The following SLC5A5 variants were observed in gnomAD, a reference collection of about 807,000 sequenced individuals.
SLC5A5 encodes sodium/iodide cotransporter.
SLC5A5 carries 56 observed loss-of-function variants against 68.6 expected under a neutral mutation model. That is an observed-to-expected ratio of 0.82 (90% CI 0.66 to 1.02). The LOEUF is 1.02. Among genes scored for constraint, SLC5A5 ranks in the 50% least tolerant of loss-of-function variants. The pLI is 0.00. For missense variants in SLC5A5, 807 were observed against 859.8 expected, an observed-to-expected ratio of 0.94 and a Z score of 0.77; for synonymous variants, 398 against 373.0, an observed-to-expected ratio of 1.07 and a Z score of -0.77.
In SLC5A5 at chr19:17,884,184, G is replaced by T. The variant is rs1343621618; in HGVS notation, c.1526+138G>T. The T allele has an allele frequency of 1.8e-5, 14 of 775,980 alleles. No homozygotes were observed. The East Asian group carries it at 3.8e-4, about 21-fold the overall frequency. 48.1% of individuals were successfully genotyped at this position (775,980 alleles called of 1,614,324 possible). On this transcript the variant is annotated intron_variant, in intron 12 of 14. Coordinates refer to ENST00000222248, the MANE Select transcript of SLC5A5 (RefSeq NM_000453.3). ...TGGGGGAGGGAACGGTAGGTGCAAA[G>T]GCCCTGAGGCCACAATCGGGTTAGT... is the stretch of plus-strand genomic sequence containing the variant.
At chr19:17,884,755 A>G (rs1190935583) in intron 12 of SLC5A5, among the ~76,000 whole-genome samples, 1 of 151,848 alleles carries the variant, frequency 6.6e-6, no homozygotes, top group East Asian at 1.9e-4. Flanking sequence ...CCTGGGCAAC[A>G]AAAATGAAAC....
Position 17,890,959 on chromosome 19 carries a change from C to T in SLC5A5, c.1725C>T (p.Ala575=), listed in dbSNP as rs772716852. 22 of 1,613,834 alleles carry T rather than the reference C, an allele frequency of 1.4e-5. No homozygotes were observed. In the African/African-American group the frequency reaches 2.4e-4, roughly 18 times the overall value. Residue 575 remains alanine (A), a synonymous_variant, in exon 14 of 15, where the codon GCC becomes GCT. Transcript: ENST00000222248. ...WDLARQTASV[A]PKEEVAILDD... ...TCGCACGGCAGACAGCATCAGTGGC[C>T]CCCAAGGAAGAAGTGGCCATCCTGG...
intron 13 of SLC5A5, 39 bp downstream of exon 13, chr19:17,888,494 T>C: frequency 6.2e-7 from 1 of 1,610,984 alleles, no homozygotes; most frequent in East Asian, 2.2e-5. Flanking sequence ...GGTCATCCCA[T>C]TCATCTCTCT....
At chr19:17,877,918 C>G (rs780090402) in intron 6 of SLC5A5, 46 bp from the exon 7 acceptor site, 3 of 1,613,956 alleles carry the variant, frequency 1.9e-6, no homozygotes, top group East Asian at 4.5e-5. Context: ...CCCCCCTCCA[C>G]CAGCCTGAGG....
chr19:17,872,218 T>TGCCCCCCCCCCCCCCCCCCCC lies in SLC5A5; in HGVS notation c.-102_-101insGCCCCCCCCCCCCCCCCCCCC. 4 of 456,252 alleles carry TGCCCCCCCCCCCCCCCCCCCC rather than the reference T, an allele frequency of 8.8e-6. 1 individual carries two copies. Among genetic ancestry groups the TGCCCCCCCCCCCCCCCCCCCC allele is most frequent in the African/African-American group, 2.0e-5 (1 of 49,216 alleles). The allele number at this position is 456,252 out of a possible 1,614,324, so 28.3% of individuals were successfully genotyped here. Reference sequence around the variant, plus strand: ...AGCGGGGACAGGCTGCCGAGCATCCTCCCACCCGCCCTCCCCGTCCTGCCT... The same window carrying TGCCCCCCCCCCCCCCCCCCCC: ...AGCGGGGACAGGCTGCCGAGCATCCTGCCCCCCCCCCCCCCCCCCCCCCCACCCGCCCTCCCCGTCCTGCCT... On this transcript the variant is annotated 5_prime_UTR_variant, in exon 1 of 15. Transcript: ENST00000222248.
intron 8 of SLC5A5, 27 bp from the exon 9 acceptor site, chr19:17,881,933 G>A (rs777430035): frequency 1.7e-5 from 26 of 1,566,730 alleles, no homozygotes; most frequent in Non-Finnish European, 2.1e-5. Context: ...TATGGCCTGA[G>A]GACCCCCCGC....
Position 17,884,003 on chromosome 19 carries a change from G to T in SLC5A5, c.1483G>T (p.Asp495Tyr). Residue 495 changes from aspartate (D) to tyrosine (Y), a missense_variant, in exon 12 of 15, where the codon GAC becomes TAC. Physicochemically the swap from Asp to Tyr is radical, Grantham distance 160. Transcript: ENST00000222248. ...ALSVNASGLL[D>Y]PALLPANDSS... is the part of the protein sequence containing the mutation. Reference sequence around the variant, plus strand: ...CTCAGTCAACGCCTCTGGCCTCCTGGACCCGGCTCTCCTCCCTGCTAACGA... The same window carrying T: ...CTCAGTCAACGCCTCTGGCCTCCTGTACCCGGCTCTCCTCCCTGCTAACGA... 2 of 1,572,812 alleles carry T rather than the reference G, an allele frequency of 1.3e-6. No homozygotes were observed.
At chr19:17,883,622 T>C (rs2094326038) in intron 10 of SLC5A5, 59 bp from the exon 11 acceptor site, 4 of 1,390,092 alleles carry the variant, frequency 2.9e-6, no homozygotes, top group East Asian at 2.3e-5. Flanking sequence ...GCGGGTAAAC[T>C]GAGGCCCAGA....
At position 17,880,951 on chromosome 19, in the gene SLC5A5, C is replaced by T. The variant is rs139977329; in HGVS notation, c.1056C>T (p.Leu352=). 111 of 1,611,044 alleles carry T rather than the reference C, an allele frequency of 6.9e-5. No individual in the cohort carries two copies. The African/African-American group carries it at 1.1e-3, about 16-fold the overall frequency. ...LFLACAYSGT[L]STASTSINAM... ...TGGCCTGTGCTTACAGTGGCACCCT[C>T]AGGTGAGCACCCCTGCTTGTTCATG... The change falls in exon 8 of 15, where the codon CTC becomes CTT. Residue 352 remains leucine (L), a splice_region_variant and synonymous_variant. Coordinates refer to ENST00000222248, the MANE Select transcript of SLC5A5 (RefSeq NM_000453.3).
In SLC5A5 at chr19:17,877,965, G is replaced by T. The variant is rs776119591; in HGVS notation, c.841G>T (p.Ala281Ser). ...ACRTEKQAKL[A>S]LLINQVGLFL... The stretch of plus-strand genomic sequence containing the variant: ...GCCTGAGGCTGCCTCTTCCCCCAGG[G>T]CCCTGCTCATCAACCAGGTCGGCCT... Residue 281 changes from alanine to serine, a missense_variant and splice_region_variant, in exon 7 of 15, where the codon GCC becomes TCC. By Grantham distance (99) the Ala-to-Ser change is moderately conservative (BLOSUM62 1). Transcript: ENST00000222248. 1.2e-6 allele frequency: 2 copies of T among 1,613,502 alleles called. No homozygotes were observed. The highest frequency in any genetic ancestry group is 2.2e-5 in the East Asian group (1 of 44,878).
intron 12 of SLC5A5, among the ~76,000 whole-genome samples, chr19:17,886,687 A>G (rs571223887): frequency 3.9e-5 from 6 of 152,280 alleles, no homozygotes; most frequent in Admixed American, 1.3e-4. Context: ...GCAACATATG[A>G]GGATTCTAAC....
In SLC5A5 at chr19:17,877,706, G is replaced by T. The variant is rs762792932; in HGVS notation, c.699-17G>T. On this transcript the variant is annotated splice_polypyrimidine_tract_variant and intron_variant, in intron 5 of 14. Transcript: ENST00000222248. ...CGTGACATCTCCACGTGGCTAACTT[G>T]CCCTGTCCCCACCCAGCTTTAACCC... 8.7e-6 allele frequency: 14 copies of T among 1,613,824 alleles called. No homozygotes were observed. The highest frequency in any genetic ancestry group is 1.2e-5 in the Non-Finnish European group (14 of 1,179,976).
chr19:17,894,103 T>G lies in SLC5A5; in HGVS notation c.*226T>G. The G allele has an allele frequency of 5.8e-6, 3 of 518,528 alleles. No individual in the cohort carries two copies. Among genetic ancestry groups the G allele is most frequent in the Non-Finnish European group, 3.4e-6 (1 of 291,220 alleles). The allele number at this position is 518,528 out of a possible 1,614,324, so 32.1% of individuals were successfully genotyped here. ...TCCCCAGTATTAGACGCTGCAGCCC[T>G]GACGGCTCCCCCCAAATAAGGCTGG... On this transcript the variant is annotated 3_prime_UTR_variant, in exon 15 of 15. Transcript: ENST00000222248.
Position 17,885,364 on chromosome 19 carries a change from G to T in SLC5A5, c.1526+1318G>T. Among the ~76,000 whole-genome samples, 3 of 149,580 alleles carry T rather than the reference G, an allele frequency of 2.0e-5. No individual in the cohort carries two copies. The South Asian group carries it at 6.3e-4, about 31-fold the overall frequency. On this transcript the variant is annotated intron_variant, in intron 12 of 14. Coordinates refer to ENST00000222248, the MANE Select transcript of SLC5A5 (RefSeq NM_000453.3). The stretch of plus-strand genomic sequence containing the variant: ...ATTTATTTATTTTGGTTTTTTGGGT[G>T]GGTTTTTTTGCTTTTTGTTTATTTG...
chr19:17,874,373 C>A, intron 2 of SLC5A5, 121 bp from the exon 3 acceptor site: 2 of 1,106,042 alleles, frequency 1.8e-6, no homozygotes, highest in Non-Finnish European at 1.4e-6. Flanking sequence ...CCCGCCTGCA[C>A]TCTGGAAGAC....
In SLC5A5 at chr19:17,894,006, C is replaced by T. The variant is rs974053532; in HGVS notation, c.*129C>T. 5.5e-6 allele frequency: 5 copies of T among 913,736 alleles called. No individual in the cohort carries two copies. The highest frequency in any genetic ancestry group is 4.9e-5 in the African/African-American group (3 of 60,846). The allele number at this position is 913,736 out of a possible 1,614,324, so 56.6% of individuals were successfully genotyped here. A position where few individuals can be genotyped will look rare whatever the true frequency, so the allele number is the denominator to read the frequency against. On this transcript the variant is annotated 3_prime_UTR_variant, in exon 15 of 15. Transcript: ENST00000222248. ...TTGTATGCAAATGAGTTCAGGACTA[C>T]AATACCCTACCCTATGGGGAGGCCC...
chr19:17,883,745 T>G lies in SLC5A5; in HGVS notation c.1307T>G (p.Phe436Cys), dbSNP rs746913485. Residue 436 changes from phenylalanine to cysteine, a missense_variant, in exon 11 of 15, where the codon TTC becomes TGC. Transcript: ENST00000222248. ...CTGGGAGCCTTCATCTTGGGAATGT[T>G]CCTGCCGGCCTGCAACACACCGGTG... is the stretch of plus-strand genomic sequence containing the variant. ...PLLGAFILGM[F>C]LPACNTPGVL... The G allele has an allele frequency of 7.1e-5, 107 of 1,506,094 alleles. 1 individual carries two copies. The highest frequency in any genetic ancestry group is 1.8e-4 in the Admixed American group (10 of 55,318). 93.3% of individuals were successfully genotyped at this position (1,506,094 alleles called of 1,614,324 possible). A position where few individuals can be genotyped will look rare whatever the true frequency, so the allele number is the denominator to read the frequency against.
chr19:17,882,639 A>G (rs2094323420), intron 10 of SLC5A5, among the ~76,000 whole-genome samples: 1 of 149,092 alleles, frequency 6.7e-6, no homozygotes, highest in Admixed American at 6.7e-5. Flanking sequence ...CAGCCTCCAG[A>G]GTAGCTGGGA....
chr19:17,886,362 C>A (rs545500893), intron 12 of SLC5A5, among the ~76,000 whole-genome samples: 2 of 148,524 alleles, frequency 1.3e-5, no homozygotes, highest in Non-Finnish European at 3.0e-5. Flanking sequence ...GGCTGGAGTG[C>A]AGTGGTGTGA....
Sources: gnomAD v4.1 joint callset for allele counts (sites outside exome capture counted in the v4.1 genomes callset) on GRCh38, gnomAD v4.1.1 for gene constraint, MANE v1.5 for transcripts, NCBI Gene and HGNC (gene_info 2026-07-23, HGNC 2026-07-21) for gene names.